DNAH8: variants seen among roughly 807,000 people sequenced by gnomAD.
DNAH8 encodes axonemal beta dynein heavy chain 8.
A neutral mutation model predicts 562.1 loss-of-function variants in DNAH8; 382 were observed. The ratio of observed to expected loss-of-function variants is 0.68; its 90% CI spans 0.63 to 0.74. The LOEUF is 0.74. Ranked by LOEUF, DNAH8 falls within the 30% of genes least tolerant of loss-of-function variation. DNAH8 has a pLI of 0.00. For synonymous variants in DNAH8, 1,881 were observed against 1,919.4 expected (o/e 0.98, Z 0.52); for missense variants, 5,203 against 5,620.4 (o/e 0.93, Z 2.37).
intron 9 of DNAH8, among the ~76,000 whole-genome samples, chr6:38,752,314 C>T (rs747982572): frequency 9.0e-4 from 136 of 151,306 alleles, no homozygotes; most frequent in Non-Finnish European, 1.1e-3. Context: ...CAGGTGCATG[C>T]CACCATGCCC....
At chr6:38,926,768 C>T (rs1376227454) in intron 74 of DNAH8, among the ~76,000 whole-genome samples, 1 of 152,080 alleles carries the variant, frequency 6.6e-6, no homozygotes, top group African/African-American at 2.4e-5. Flanking sequence ...ACCCCCGTCC[C>T]CATGTTTTTG....
rs200007655 is a variant in DNAH8 at position 38,781,277 on chromosome 6, C to T, written c.2163C>T (p.Asp721=). The change falls in exon 16 of 93, where the codon GAC becomes GAT. Residue 721 remains aspartate, a synonymous_variant. Coordinates refer to ENST00000327475, the MANE Select transcript of DNAH8 (RefSeq NM_001206927.2). ...TKKLYHSQKD[D]PPLARNMPPI... is the part of the protein sequence containing the mutation. Reference sequence around the variant, plus strand: ...AGCTTTATCATTCTCAGAAAGATGACCCCCCTCTTGCTCGCAACATGCCCC... The same window carrying T: ...AGCTTTATCATTCTCAGAAAGATGATCCCCCTCTTGCTCGCAACATGCCCC... 1.1e-5 allele frequency: 18 copies of T among 1,613,152 alleles called. No individual in the cohort carries two copies. In the Admixed American group the frequency reaches 2.8e-4, roughly 25 times the overall value.
intron 78 of DNAH8, 135 bp downstream of exon 78, chr6:38,938,361 G>C: frequency 1.9e-6 from 2 of 1,027,638 alleles, no homozygotes; most frequent in Non-Finnish European, 1.4e-6. Flanking sequence ...CAACAGTAGA[G>C]TGGATAAAGA....
chr6:38,792,824 G>A (rs1345027013), intron 21 of DNAH8, among the ~76,000 whole-genome samples: 1 of 152,084 alleles, frequency 6.6e-6, no homozygotes, highest in Non-Finnish European at 1.5e-5. Context: ...TGTCACTCAG[G>A]TTGTTCTGCA....
At chr6:38,789,996 A>T (rs1028696103) in intron 19 of DNAH8, 113 bp downstream of exon 19, 21 of 763,914 alleles carry the variant, frequency 2.7e-5, no homozygotes, top group Non-Finnish European at 4.3e-5. Context: ...CCATCTTTCT[A>T]GTTCAATTTT....
chr6:38,849,565 T>C (rs1775572581), intron 37 of DNAH8, among the ~76,000 whole-genome samples: 1 of 146,752 alleles, frequency 6.8e-6, no homozygotes, highest in Non-Finnish European at 1.5e-5. Context: ...AAGAGGTTTT[T>C]TTTTTGCTTT....
At chr6:39,006,954 C>T (rs1176442367) in intron 88 of DNAH8, among the ~76,000 whole-genome samples, 1 of 152,186 alleles carries the variant, frequency 6.6e-6, no homozygotes, top group Non-Finnish European at 1.5e-5. Flanking sequence ...TCTCCTGTCT[C>T]ATTGCACTAT....
At chr6:38,864,093 A>G in intron 45 of DNAH8, 33 bp downstream of exon 45, 1 of 1,579,080 alleles carries the variant, frequency 6.3e-7, no homozygotes, top group Non-Finnish European at 8.6e-7. Flanking sequence ...CAATTTAATT[A>G]GTTTAATTGT....
chr6:38,850,421 G>C lies in DNAH8; in HGVS notation c.5363+7G>C. ...GTCAGAAGTCACTCACAGGGTAAGA[G>C]TTTAATTTTTAAATCACATATCATT... On this transcript the variant is annotated splice_region_variant and intron_variant, in intron 38 of 92. Coordinates refer to ENST00000327475, the MANE Select transcript of DNAH8 (RefSeq NM_001206927.2). 1 of 1,608,420 alleles carries C rather than the reference G, an allele frequency of 6.2e-7. No individual in the cohort carries two copies. The highest frequency in any genetic ancestry group is 1.7e-4 in the Middle Eastern group (1 of 6,034).
intron 10 of DNAH8, 99 bp from the exon 11 acceptor site, chr6:38,761,603 T>C: frequency 1.4e-6 from 1 of 733,766 alleles, no homozygotes; most frequent in Non-Finnish European, 2.0e-6. Context: ...GCCCATAGGT[T>C]TATTCTTTAT....
chr6:38,792,953 C>T (rs1738245), intron 21 of DNAH8, among the ~76,000 whole-genome samples: 37 of 151,570 alleles, frequency 2.4e-4, no homozygotes, highest in South Asian at 2.1e-4. Flanking sequence ...TAATTAAAAA[C>T]ATTTTTTTTG....
At chr6:38,896,578 A>AAAC (rs1779703679) in intron 60 of DNAH8, among the ~76,000 whole-genome samples, 4 of 151,232 alleles carry the variant, frequency 2.6e-5, no homozygotes, top group African/African-American at 9.7e-5. Flanking sequence ...CTGTCTCAAA[A>AAAC]AAACAAACAA....
At chr6:38,951,605 C>A (rs1237935346) in intron 82 of DNAH8, 85 bp downstream of exon 82, 3 of 1,173,956 alleles carry the variant, frequency 2.6e-6, no homozygotes, top group African/African-American at 1.5e-5. Context: ...ATAACTGATT[C>A]TTAGAAATAG....
chr6:38,939,862 A>G (rs1783296912), intron 79 of DNAH8, among the ~76,000 whole-genome samples: 1 of 152,170 alleles, frequency 6.6e-6, no homozygotes, highest in Non-Finnish European at 1.5e-5. Flanking sequence ...GACCCTGAAG[A>G]GGTAGAAATG....
At chr6:39,004,307 T>A (rs1765664220) in intron 88 of DNAH8, among the ~76,000 whole-genome samples, 1 of 152,252 alleles carries the variant, frequency 6.6e-6, no homozygotes, top group African/African-American at 2.4e-5. Flanking sequence ...CATTTCAGTA[T>A]TTTAATTTTA....
chr6:38,967,316 A>G (rs951973139), intron 82 of DNAH8, among the ~76,000 whole-genome samples: 2 of 152,000 alleles, frequency 1.3e-5, no homozygotes, highest in Non-Finnish European at 2.9e-5. Context: ...AAAAAAAACC[A>G]TCTACATTGG....
At chr6:39,007,977 G>A (rs567630640) in intron 88 of DNAH8, among the ~76,000 whole-genome samples, 1 of 118,934 alleles carries the variant, frequency 8.4e-6, no homozygotes, top group Admixed American at 1.3e-4. Context: ...CTACTCAAAT[G>A]TCCAGGTAAC....
intron 10 of DNAH8, 92 bp downstream of exon 10, chr6:38,756,171 A>C: frequency 1.3e-6 from 1 of 795,692 alleles, no homozygotes; most frequent in Non-Finnish European, 2.2e-6. Flanking sequence ...TTGGAAGCCT[A>C]AGTGCCTCTC....
intron 15 of DNAH8, among the ~76,000 whole-genome samples, chr6:38,780,724 A>T (rs1328284350): frequency 6.6e-6 from 1 of 152,200 alleles, no homozygotes; most frequent in Non-Finnish European, 1.5e-5. Context: ...AGGAAAAGCA[A>T]CTAATGGACA....
Sources: allele counts gnomAD v4.1 joint callset (sites outside exome capture counted in the v4.1 genomes callset), GRCh38; gene constraint gnomAD v4.1.1; transcripts MANE v1.5; gene names NCBI Gene and HGNC (gene_info 2026-07-23, HGNC 2026-07-21).